The following DNAH11 variants were observed in gnomAD, a reference collection of about 807,000 sequenced individuals.
DNAH11 encodes dynein axonemal heavy chain 11, also known as axonemal beta dynein heavy chain 11.
A neutral mutation model predicts 526.0 loss-of-function variants in DNAH11; 442 were observed. The ratio of observed to expected loss-of-function variants is 0.84; its 90% confidence interval spans 0.78 to 0.91. DNAH11 has a LOEUF of 0.91. DNAH11 is among the 40% of genes least tolerant of loss of function. DNAH11 has a pLI of 0.00. For missense variants in DNAH11, 6,989 were observed against 5,448.7 expected (o/e 1.28, Z -8.90); for synonymous variants, 2,461 against 1,935.9 (o/e 1.27, Z -7.12).
chr7:21,699,401 G>A (rs1265055652), intron 36 of DNAH11, among the ~76,000 whole-genome samples: 1 of 152,114 alleles, frequency 6.6e-6, no homozygotes, highest in Non-Finnish European at 1.5e-5. Flanking sequence ...TCAGCCATAT[G>A]ATCATTTTTG....
chr7:21,658,154 A>G (rs560736933), intron 29 of DNAH11, among the ~76,000 whole-genome samples: 16 of 151,344 alleles, frequency 1.1e-4, no homozygotes, highest in African/African-American at 3.4e-4. Flanking sequence ...CTAAGCTTCA[A>G]TTTTTTAAAA....
Position 21,636,039 on chromosome 7 carries a change from C to T in DNAH11, c.4669C>T (p.Arg1557Ter), listed in dbSNP as rs759040005. The change falls in exon 26 of 82, where the codon CGA becomes TGA. Residue 1557 changes from arginine (R) to a stop codon, truncating the protein, a stop_gained. Transcript: ENST00000409508. LOFTEE classifies it high-confidence loss of function. ...CATTTTTGTCTGTTCAGAAGATATT[C>T]GAATCCAGCTTGTGAAAGATGCTAG... Reference protein sequence around the residue: ...ESIFVCSEDIRIQLVKDARRF... With the variant: ...ESIFVCSEDI 4 of 1,613,444 alleles carry T rather than the reference C, an allele frequency of 2.5e-6. No individual in the cohort carries two copies. The highest frequency in any genetic ancestry group is 1.7e-5 in the Admixed American group (1 of 59,968).
intron 65 of DNAH11, among the ~76,000 whole-genome samples, chr7:21,826,100 A>G (rs1790281985): frequency 6.6e-6 from 1 of 152,204 alleles, no homozygotes; most frequent in South Asian, 2.1e-4. Context: ...CATTGAAAGC[A>G]CAGACTTCAC....
At chr7:21,854,566 T>C (rs1336005475) in intron 68 of DNAH11, 111 bp downstream of exon 68, 1 of 1,170,894 alleles carries the variant, frequency 8.5e-7, no homozygotes, top group Non-Finnish European at 1.2e-6. Flanking sequence ...ATTACTATTA[T>C]TGAGACAGAG....
At chr7:21,825,018 C>G (rs773286081) in intron 65 of DNAH11, among the ~76,000 whole-genome samples, 1 of 152,114 alleles carries the variant, frequency 6.6e-6, no homozygotes, top group Non-Finnish European at 1.5e-5. Flanking sequence ...ATTACAGGCG[C>G]CTGCCACCAG....
chr7:21,626,207 C>T (rs1054072326), intron 25 of DNAH11, among the ~76,000 whole-genome samples: 4 of 152,140 alleles, frequency 2.6e-5, no homozygotes, highest in Non-Finnish European at 4.4e-5. Context: ...AATGGGAATA[C>T]GTGATATTTG....
intron 42 of DNAH11, among the ~76,000 whole-genome samples, chr7:21,715,758 A>G (rs999883099): frequency 4.0e-5 from 6 of 151,794 alleles, no homozygotes; most frequent in African/African-American, 1.2e-4. Flanking sequence ...AATAATTTCT[A>G]CATAAATTTT....
At chr7:21,880,589 G>GC in intron 74 of DNAH11, 113 bp from the exon 75 acceptor site, 6 of 1,067,398 alleles carry the variant, frequency 5.6e-6, no homozygotes, top group Non-Finnish European at 5.5e-6. Flanking sequence ...GCTGAAGACT[G>GC]CCTCTGTAGT....
chr7:21,549,176 G>A (rs76833174), intron 2 of DNAH11, among the ~76,000 whole-genome samples: 1,681 of 152,244 alleles, frequency 0.011, 49 homozygotes, highest in South Asian at 0.079. Context: ...ACCGTACCTG[G>A]CCAATGACAG....
intron 76 of DNAH11, among the ~76,000 whole-genome samples, chr7:21,890,778 C>G (rs1023532114): frequency 8.5e-5 from 13 of 152,196 alleles, no homozygotes; most frequent in Admixed American, 1.3e-4. Flanking sequence ...TGAAATGATA[C>G]AAATGTGAAT....
Position 21,784,550 on chromosome 7 carries a change from A to G in DNAH11, c.9597+10A>G. 1 of 1,572,452 alleles carries G rather than the reference A, an allele frequency of 6.4e-7. No individual in the cohort carries two copies. Among genetic ancestry groups the G allele is most frequent in the South Asian group, 1.2e-5 (1 of 84,338 alleles). Reference sequence around the variant, plus strand: ...CAATACACTCAACAGGGTAAAGATAATTTATTGGTCCCTGAGTTTCCTCAA... The same window carrying G: ...CAATACACTCAACAGGGTAAAGATAGTTTATTGGTCCCTGAGTTTCCTCAA... On this transcript the variant is annotated intron_variant, in intron 58 of 81. Coordinates refer to ENST00000409508, the MANE Select transcript of DNAH11 (RefSeq NM_001277115.2).
intron 79 of DNAH11, among the ~76,000 whole-genome samples, chr7:21,897,220 CAAGT>C (rs951674841): frequency 3.5e-4 from 52 of 148,274 alleles, no homozygotes; most frequent in Non-Finnish European, 4.4e-4. Flanking sequence ...AACATACTTA[CAAGT>C]AAGTATTTTC....
At chr7:21,894,243 T>C (rs1324876821) in intron 77 of DNAH11, among the ~76,000 whole-genome samples, 1 of 152,232 alleles carries the variant, frequency 6.6e-6, no homozygotes, top group Non-Finnish European at 1.5e-5. Flanking sequence ...TTATAAAATA[T>C]GGTACCCTAA....
chr7:21,564,142 A>C (rs1183313985), intron 5 of DNAH11, 44 bp from the exon 6 acceptor site: 4 of 1,462,304 alleles, frequency 2.7e-6, no homozygotes, highest in Admixed American at 2.3e-5. Flanking sequence ...GAAAAAAAAA[A>C]AAAACAAACC....
In DNAH11 at chr7:21,543,482, G is replaced by A. The variant is rs1263171996; in HGVS notation, c.237G>A (p.Gln79=). 16 of 1,599,664 alleles carry A rather than the reference G, an allele frequency of 1.0e-5. No individual in the cohort carries two copies. Among genetic ancestry groups the A allele is most frequent in the Non-Finnish European group, 1.4e-5 (16 of 1,172,868 alleles). The part of the protein sequence containing the change: ...MLGFTEEKWS[Q]YLESEDNRQV... ...GGTTCACGGAGGAGAAATGGAGCCA[G>A]TATTTGGAAAGCGAGGACAACCGGC... The change falls in exon 1 of 82, where the codon CAG becomes CAA. Residue 79 remains glutamine (Q), a synonymous_variant. Coordinates refer to ENST00000409508, the MANE Select transcript of DNAH11 (RefSeq NM_001277115.2).
At chr7:21,835,081 A>G (rs1412645177) in intron 65 of DNAH11, among the ~76,000 whole-genome samples, 2 of 152,182 alleles carry the variant, frequency 1.3e-5, no homozygotes, top group African/African-American at 4.8e-5. Flanking sequence ...AGAAAATCTG[A>G]ACAAACTAAT....
chr7:21,825,758 G>A (rs1490010356), intron 65 of DNAH11, among the ~76,000 whole-genome samples: 1 of 151,982 alleles, frequency 6.6e-6, no homozygotes, highest in Non-Finnish European at 1.5e-5. Context: ...AGGAGATCGA[G>A]ACCAACCTGG....
intron 68 of DNAH11, 46 bp downstream of exon 68, chr7:21,854,501 A>G (rs117160443): frequency 5.7e-6 from 9 of 1,569,612 alleles, no homozygotes; most frequent in Non-Finnish European, 7.8e-6. Flanking sequence ...TAGGAGTTCA[A>G]TTTGTTTCTG....
chr7:21,786,604 T>A lies in DNAH11; in HGVS notation c.9598-20T>A. Reference sequence around the variant, plus strand: ...CCGCTAATCCTGTCTGTGTACGTGTTTCTGTGTGCTTTTCTTCAGGTCAAC... The same window carrying A: ...CCGCTAATCCTGTCTGTGTACGTGTATCTGTGTGCTTTTCTTCAGGTCAAC... On this transcript the variant is annotated intron_variant, in intron 58 of 81. Coordinates refer to ENST00000409508, the MANE Select transcript of DNAH11 (RefSeq NM_001277115.2). 6.2e-7 allele frequency: 1 copy of A among 1,603,230 alleles called. No homozygotes were observed. The highest frequency in any genetic ancestry group is 1.1e-5 in the South Asian group (1 of 89,562).
Sources: allele counts gnomAD v4.1 joint callset (sites outside exome capture counted in the v4.1 genomes callset), GRCh38; gene constraint gnomAD v4.1.1; transcripts MANE v1.5; gene names NCBI Gene and HGNC (gene_info 2026-07-23, HGNC 2026-07-21).